Variants in DIS3L2 observed in about 807,000 individuals in gnomAD.
The protein encoded by DIS3L2 is DIS3 like 3'-5' exoribonuclease 2, also known as DIS3-like exonuclease 2.
DIS3L2 carries 34 observed loss-of-function variants against 97.5 expected under a neutral mutation model. That is an observed-to-expected ratio of 0.35 (90% CI 0.27 to 0.46). DIS3L2 has a LOEUF of 0.46. Among genes scored for constraint, DIS3L2 ranks in the 20% least tolerant of loss-of-function variants. The probability of loss-of-function intolerance (pLI) is 1.00; values close to 1 mark genes in which losing one functional copy is unlikely to be tolerated. For missense variants in DIS3L2, 1,038 were observed against 1,146.0 expected (o/e 0.91, Z 1.36); for synonymous variants, 435 against 445.2 (o/e 0.98, Z 0.29).
chr2:232,200,603 G>T (rs1489620558), intron 9 of DIS3L2, among the ~76,000 whole-genome samples: 2 of 151,580 alleles, frequency 1.3e-5, no homozygotes. Context: ...AAAAATCAAT[G>T]AATTTGTAAT....
chr2:232,257,350 C>T (rs1212146980), intron 12 of DIS3L2, among the ~76,000 whole-genome samples: 4 of 152,176 alleles, frequency 2.6e-5, no homozygotes, highest in African/African-American at 9.7e-5. Flanking sequence ...CTGCCTCTCT[C>T]TGCTCTCTTC....
chr2:232,277,656 T>C (rs564966828), intron 13 of DIS3L2, among the ~76,000 whole-genome samples: 1 of 152,344 alleles, frequency 6.6e-6, no homozygotes, highest in Admixed American at 6.5e-5. Context: ...TACGTGTACA[T>C]TTTTAGAGCT....
At chr2:232,321,550 G>A (rs920789238) in intron 14 of DIS3L2, among the ~76,000 whole-genome samples, 6 of 152,172 alleles carry the variant, frequency 3.9e-5, no homozygotes, top group Non-Finnish European at 7.3e-5. Context: ...GGCCCAGTGC[G>A]TCTCTGTGGG....
intron 9 of DIS3L2, among the ~76,000 whole-genome samples, chr2:232,175,731 A>G (rs1283520027): frequency 5.3e-5 from 8 of 150,906 alleles, no homozygotes; most frequent in Non-Finnish European, 1.2e-4. Context: ...TTATTCTCCC[A>G]CTCTAGAACT....
intron 1 of DIS3L2, among the ~76,000 whole-genome samples, chr2:231,968,380 C>T (rs886342919): frequency 1.3e-5 from 2 of 152,214 alleles, no homozygotes; most frequent in Non-Finnish European, 2.9e-5. Context: ...CAGGCGTGAG[C>T]CACTGCGCTT....
At chr2:231,989,159 C>G (rs1693510107) in intron 1 of DIS3L2, among the ~76,000 whole-genome samples, 2 of 152,116 alleles carry the variant, frequency 1.3e-5, no homozygotes. Context: ...TAAATAACTG[C>G]TTCTGTATCA....
chr2:232,275,475 CTG>C, intron 13 of DIS3L2, among the ~76,000 whole-genome samples: 1 of 152,312 alleles, frequency 6.6e-6, no homozygotes, highest in East Asian at 1.9e-4. Context: ...CCCAGGGACA[CTG>C]TGCCCATTGT....
chr2:232,144,781 G>A (rs1690170490), intron 8 of DIS3L2, among the ~76,000 whole-genome samples: 1 of 152,028 alleles, frequency 6.6e-6, no homozygotes, highest in Admixed American at 6.6e-5. Flanking sequence ...CTCTTTACTT[G>A]TCCTTCACGA....
chr2:232,000,692 C>T (rs1693867772), intron 1 of DIS3L2, among the ~76,000 whole-genome samples: 1 of 111,196 alleles, frequency 9.0e-6, no homozygotes, highest in Non-Finnish European at 1.9e-5. Flanking sequence ...TTCTGTCTTT[C>T]TCTCTTTCTT....
intron 5 of DIS3L2, among the ~76,000 whole-genome samples, chr2:232,036,803 T>G (rs149388382): frequency 0.011 from 1,717 of 152,318 alleles, 19 homozygotes; most frequent in Non-Finnish European, 0.016. Flanking sequence ...TGCTGGAGTT[T>G]GCTGGAGGTC....
chr2:232,000,731 T>C lies in DIS3L2; in HGVS notation c.-93-14104T>C, dbSNP rs866511836. On this transcript the variant is annotated intron_variant, in intron 1 of 20. Transcript: ENST00000325385. ...TTCTTTCTTTCTTCTTCTTCTTTTT[T>C]TTTTTTTTTTTTTTAAGAGACTGGA... Among the ~76,000 whole-genome samples the C allele has an allele frequency of 8.9e-3, 1,301 of 146,782 alleles. 29 individuals carry two copies. Among genetic ancestry groups the C allele is most frequent in the African/African-American group, 0.031 (1,230 of 39,790 alleles).
At position 232,136,400 on chromosome 2, in the gene DIS3L2, C is replaced by T. The variant is rs1698359261; in HGVS notation, c.703-72C>T. 3.8e-6 allele frequency: 6 copies of T among 1,561,022 alleles called. No individual in the cohort carries two copies. The East Asian group carries it at 9.0e-5, about 23-fold the overall frequency. On this transcript the variant is annotated intron_variant, in intron 7 of 20. Coordinates refer to ENST00000325385, the MANE Select transcript of DIS3L2 (RefSeq NM_152383.5). ...TTCCTGCTAGTTGATCAAATTATAA[C>T]CTGCTGACCTCTCCCAAGTGTAATT...
At chr2:232,340,359 G>C (rs1696078374), downstream of DIS3L2, among the ~76,000 whole-genome samples, 1 of 152,152 alleles carries the variant, frequency 6.6e-6, no homozygotes, top group Admixed American at 6.5e-5. Flanking sequence ...GGGGACCTCT[G>C]GGCTGGGGTG....
intron 12 of DIS3L2, among the ~76,000 whole-genome samples, chr2:232,258,339 C>G (rs1454495253): frequency 6.6e-6 from 1 of 152,160 alleles, no homozygotes; most frequent in Non-Finnish European, 1.5e-5. Context: ...AATCCCAGCA[C>G]TTTGGGAGGC....
At chr2:231,981,598 TTATATATATATATATA>T (rs10669283) in intron 1 of DIS3L2, among the ~76,000 whole-genome samples, 14 of 84,056 alleles carry the variant, frequency 1.7e-4, no homozygotes, top group East Asian at 9.5e-4. Context: ...GTTAAGTATT[TTATATATATATATATA>T]TATATATATA....
At chr2:231,962,186 T>G (rs1692578480) in intron 1 of DIS3L2, among the ~76,000 whole-genome samples, 1 of 152,196 alleles carries the variant, frequency 6.6e-6, no homozygotes, top group African/African-American at 2.4e-5. Context: ...CTCGGGAATC[T>G]TGAAGGGCAG....
Position 232,031,833 on chromosome 2 carries a change from A to T in DIS3L2, c.366+1753A>T, listed in dbSNP as rs570155317. On this transcript the variant is annotated intron_variant, in intron 5 of 20. Transcript: ENST00000325385. Reference sequence around the variant, plus strand: ...ATGTCCCTGCAAAGGACATAAACTCATTCTTTTTTATGGCTGCATAGTATT... The same window carrying T: ...ATGTCCCTGCAAAGGACATAAACTCTTTCTTTTTTATGGCTGCATAGTATT... Among the ~76,000 whole-genome samples the T allele has an allele frequency of 2.0e-5, 3 of 152,278 alleles. No individual in the cohort carries two copies. In the South Asian group the frequency reaches 6.2e-4, roughly 32 times the overall value.
At chr2:232,019,894 G>T (rs1694464452) in intron 3 of DIS3L2, among the ~76,000 whole-genome samples, 1 of 152,080 alleles carries the variant, frequency 6.6e-6, no homozygotes. Context: ...TGGGAAGGGT[G>T]AGAGAGAATA....
chr2:232,239,162 C>T (rs963720335), intron 11 of DIS3L2, among the ~76,000 whole-genome samples: 2 of 152,200 alleles, frequency 1.3e-5, no homozygotes, highest in Admixed American at 6.5e-5. Context: ...TTTTCCCTCT[C>T]ATCCTGACTG....
Sources: gnomAD v4.1 joint callset for allele counts (sites outside exome capture counted in the v4.1 genomes callset) on GRCh38, gnomAD v4.1.1 for gene constraint, MANE v1.5 for transcripts, NCBI Gene and HGNC (gene_info 2026-07-23, HGNC 2026-07-21) for gene names.